SNX5: variants seen among roughly 807,000 people sequenced by gnomAD.
SNX5 encodes the protein sorting nexin 5, also known as sorting nexin-5.
SNX5 carries 31 observed loss-of-function variants against 53.9 expected under a neutral mutation model. The ratio of observed to expected loss-of-function variants is 0.58; its 90% CI spans 0.43 to 0.78. SNX5 has a LOEUF of 0.78. SNX5 is among the 30% of genes least tolerant of loss of function. The pLI, the probability that SNX5 is intolerant of heterozygous loss-of-function variation, is 0.00. For synonymous variants in SNX5, 168 were observed against 171.1 expected (o/e 0.98, Z 0.14); for missense variants, 471 against 478.8 (o/e 0.98, Z 0.15).
chr20:17,948,624 A>G lies in SNX5; in HGVS notation c.918+266T>C, dbSNP rs146646317. On this transcript the variant is annotated intron_variant, in intron 10 of 12. Coordinates refer to ENST00000377759, the MANE Select transcript of SNX5 (RefSeq NM_014426.4). Reference sequence around the variant, plus strand: ...ACTTGCAATTCAATAAAAACTCCCAAATCTTCTTTGCCCCAGAAACAGCCC... The same window carrying G: ...ACTTGCAATTCAATAAAAACTCCCAGATCTTCTTTGCCCCAGAAACAGCCC... Among the ~76,000 whole-genome samples, 26 of 152,302 alleles carry G rather than the reference A, an allele frequency of 1.7e-4. No homozygotes were observed. In the East Asian group the frequency reaches 5.0e-3, roughly 29 times the overall value.
intron 1 of SNX5, chr20:17,961,134 C>T (rs892956086): frequency 2.0e-6 from 2 of 985,328 alleles, no homozygotes; most frequent in Admixed American, 6.1e-5. Flanking sequence ...CTGTGCATTT[C>T]CTCACCTATT....
In SNX5 at chr20:17,959,665, G is replaced by A. The variant is rs545678287; in HGVS notation, c.52-2628C>T. On this transcript the variant is annotated intron_variant, in intron 1 of 12. Coordinates refer to ENST00000377759, the MANE Select transcript of SNX5 (RefSeq NM_014426.4). ...ATCATTAACTCAATGTCCCCCAGGC[G>A]CAAGTTAAATGAACTTTCTCATATT... Among the ~76,000 whole-genome samples, 30 of 152,266 alleles carry A rather than the reference G, an allele frequency of 2.0e-4. No individual in the cohort carries two copies. In the South Asian group the frequency reaches 5.6e-3, roughly 28 times the overall value.
Position 17,950,341 on chromosome 20 carries a change from C to T in SNX5, c.665G>A (p.Arg222Lys). Residue 222 changes from arginine to lysine, a missense_variant, in exon 7 of 13, where the codon AGG (arginine) becomes AAG (lysine). Coordinates refer to ENST00000377759, the MANE Select transcript of SNX5 (RefSeq NM_014426.4). The stretch of plus-strand genomic sequence containing the variant: ...AGCTTTCACACAAGAATCTTTGATC[C>T]TATTGTAATAGTTAATAAGGAAGTT... ...EKNFLINYYNRIKDSCVKADK... is the reference protein window; with the variant it reads ...EKNFLINYYNKIKDSCVKADK... The T allele has an allele frequency of 1.2e-6, 2 of 1,613,620 alleles. No individual in the cohort carries two copies. The highest frequency in any genetic ancestry group is 1.7e-6 in the Non-Finnish European group (2 of 1,179,620).
chr20:17,962,954 C>CAA (rs769022229), intron 1 of SNX5: 2 of 513,630 alleles, frequency 3.9e-6, no homozygotes, highest in Non-Finnish European at 7.8e-6. Flanking sequence ...CACAAGGCTG[C>CAA]AAGCCCATGT....
chr20:17,951,034 G>A (rs918551034), intron 6 of SNX5: 4 of 158,196 alleles, frequency 2.5e-5, no homozygotes, highest in South Asian at 1.8e-4. Flanking sequence ...TAACGGTAAC[G>A]GAAACGTTAT....
At position 17,950,164 on chromosome 20, in the gene SNX5, G is replaced by A. The variant is rs1689155065; in HGVS notation, c.759C>T (p.Ser253=). The change falls in exon 8 of 13, where the codon AGC becomes AGT. Residue 253 remains serine, a synonymous_variant. Transcript: ENST00000377759. ...DYIHTAACLH[S]LALEEPTVIK... Reference sequence around the variant, plus strand: ...TGACTGTGGGCTCTTCTAAAGCCAGGCTATGTAAGCAGGCTGCGGTGTGGA... The same window carrying A: ...TGACTGTGGGCTCTTCTAAAGCCAGACTATGTAAGCAGGCTGCGGTGTGGA... The A allele has an allele frequency of 6.2e-7, 1 of 1,614,170 alleles. No homozygotes were observed. The highest frequency in any genetic ancestry group is 2.2e-5 in the East Asian group (1 of 44,880).
chr20:17,947,772 G>A, intron 10 of SNX5, 127 bp from the exon 11 acceptor site: 1 of 745,932 alleles, frequency 1.3e-6, no homozygotes, highest in Non-Finnish European at 2.0e-6. Context: ...CTCTCCCAGA[G>A]TATTTTTAAA....
intron 1 of SNX5, chr20:17,961,913 T>A (rs1025837309): frequency 1.0e-6 from 1 of 984,944 alleles, no homozygotes; most frequent in African/African-American, 1.7e-5. Context: ...ATTTGTTAAG[T>A]GAGAATATAA....
chr20:17,960,839 C>T (rs2035435594), intron 1 of SNX5, among the ~76,000 whole-genome samples: 1 of 151,180 alleles, frequency 6.6e-6, no homozygotes, highest in Admixed American at 6.6e-5. Flanking sequence ...AACGGTGAGA[C>T]CTCATCTCTA....
chr20:17,945,093 C>T (rs751250665), intron 11 of SNX5: 2 of 152,254 alleles, frequency 1.3e-5, no homozygotes, highest in Non-Finnish European at 2.9e-5. Context: ...AACTACAATA[C>T]AAGCAGCCAC....
chr20:17,968,632 C>G lies in SNX5; in HGVS notation c.-207G>C, dbSNP rs1001632730. On this transcript the variant is annotated 5_prime_UTR_variant, in exon 1 of 13. Transcript: ENST00000377759. ...GCGAGCAGGGCGCCACGTGCTCCCC[C>G]AGAGCAGCCTCCCAGTCCCCGCTGC... 31 of 620,302 alleles carry G rather than the reference C, an allele frequency of 5.0e-5. No individual in the cohort carries two copies. Among genetic ancestry groups the G allele is most frequent in the African/African-American group, 7.7e-5 (4 of 51,746 alleles). The allele number at this position is 620,302 out of a possible 1,614,324, so 38.4% of individuals were successfully genotyped here.
chr20:17,957,990 AT>A (rs1434900853), intron 1 of SNX5, among the ~76,000 whole-genome samples: 3 of 119,582 alleles, frequency 2.5e-5, no homozygotes, highest in Non-Finnish European at 5.1e-5. Flanking sequence ...ACCTAACTCC[AT>A]TTCTGCCCGT....
At chr20:17,950,550 A>G (rs1322628454) in intron 6 of SNX5, among the ~76,000 whole-genome samples, 154 bp from the exon 7 acceptor site, 1 of 152,220 alleles carries the variant, frequency 6.6e-6, no homozygotes, top group Non-Finnish European at 1.5e-5. Flanking sequence ...CAAATTTACG[A>G]TACTATTTCT....
intron 1 of SNX5, chr20:17,962,811 A>C: frequency 3.9e-6 from 2 of 519,220 alleles, no homozygotes; most frequent in Non-Finnish European, 7.7e-6. Flanking sequence ...ACACACAAGC[A>C]GTTCACAGTA....
At chr20:17,963,908 A>C (rs2122423978) in intron 1 of SNX5, among the ~76,000 whole-genome samples, 1 of 77,462 alleles carries the variant, frequency 1.3e-5, no homozygotes, top group Non-Finnish European at 2.6e-5. Flanking sequence ...CATTTCTTTC[A>C]CTCTTGAGTT....
At position 17,957,057 on chromosome 20, in the gene SNX5, T is replaced by C. The variant is rs1453592255; in HGVS notation, c.52-20A>G. On this transcript the variant is annotated intron_variant, in intron 1 of 12. Transcript: ENST00000377759. ...TCTCAGCTGAAATACATTTTTTGCG[T>C]ATTAGTTTCAAACTCATTTGGCCCT... The C allele has an allele frequency of 2.8e-6, 4 of 1,415,776 alleles. No homozygotes were observed. The highest frequency in any genetic ancestry group is 4.0e-6 in the Non-Finnish European group (4 of 998,826). 87.7% of individuals were successfully genotyped at this position (1,415,776 alleles called of 1,614,324 possible).
At chr20:17,965,690 C>T (rs2035526016) in intron 1 of SNX5, among the ~76,000 whole-genome samples, 1 of 131,782 alleles carries the variant, frequency 7.6e-6, no homozygotes, top group African/African-American at 3.0e-5. Flanking sequence ...AAAAAAAAAG[C>T]CTCTTGGCCA....
intron 1 of SNX5, among the ~76,000 whole-genome samples, chr20:17,966,552 A>T (rs528817653): frequency 6.6e-6 from 1 of 152,246 alleles, no homozygotes; most frequent in Admixed American, 6.5e-5. Context: ...CACGACTGAC[A>T]CAGTATTCCC....
chr20:17,943,816 T>C (rs979001133), intron 11 of SNX5: 12 of 152,058 alleles, frequency 7.9e-5, no homozygotes, highest in African/African-American at 2.4e-4. Context: ...AAACTAAAAA[T>C]AGAATTACCA....
Sources: gnomAD v4.1 joint callset for allele counts (sites outside exome capture counted in the v4.1 genomes callset) on GRCh38, gnomAD v4.1.1 for gene constraint, MANE v1.5 for transcripts, NCBI Gene and HGNC (gene_info 2026-07-23, HGNC 2026-07-21) for gene names.